SEPTIN6: variants seen among roughly 807,000 people sequenced by gnomAD.
SEPTIN6 encodes the protein septin 6.
In SEPTIN6, 8 loss-of-function variants were observed where a neutral mutation model predicts 33.6. That is an observed-to-expected ratio of 0.24 (90% CI 0.14 to 0.43). SEPTIN6 has a LOEUF of 0.43. SEPTIN6 is among the 20% of genes least tolerant of loss of function. The pLI is 1.00. For synonymous variants in SEPTIN6, 131 were observed against 140.0 expected, an observed-to-expected ratio of 0.94 and a Z score of 0.45; for missense variants, 250 against 340.8, an observed-to-expected ratio of 0.73 and a Z score of 2.10.
chrX:119,683,253 AAAAC>A (rs1156278577), intron 1 of SEPTIN6, among the ~76,000 whole-genome samples: 2 of 112,136 alleles, frequency 1.8e-5, no homozygotes, highest in African/African-American at 3.2e-5. Flanking sequence ...ACTCTGTCTC[AAAAC>A]AAACAAACAA....
At chrX:119,637,273 C>T (rs1022250838) in intron 6 of SEPTIN6, 78 bp from the exon 7 acceptor site, 18 of 947,577 alleles carry the variant, frequency 1.9e-5, no homozygotes, top group Non-Finnish European at 2.7e-5. Flanking sequence ...AAACGAGAGG[C>T]AAAATGTCTA....
At chrX:119,622,191 A>T (rs1364521665) in intron 10 of SEPTIN6, among the ~76,000 whole-genome samples, 3 of 111,957 alleles carry the variant, frequency 2.7e-5, no homozygotes, top group African/African-American at 9.7e-5. Flanking sequence ...GGGAAGGCTG[A>T]CGTATTTTGA....
chrX:119,631,767 T>A (rs2053965990), intron 8 of SEPTIN6, among the ~76,000 whole-genome samples: 1 of 109,106 alleles, frequency 9.2e-6, no homozygotes, highest in African/African-American at 3.3e-5. Context: ...TATTTGTAAT[T>A]ATTTTTTTTT....
Position 119,665,819 on chromosome X carries a change from C to A in SEPTIN6, c.146-2142G>T, listed in dbSNP as rs186919518. ...AGAGAGGGCCAGGCGCGGTGGCTCA[C>A]GCCTGTAATCCCAGCACTTTGGGAG... On this transcript the variant is annotated intron_variant, in intron 2 of 10. Coordinates refer to ENST00000394610, the MANE Select transcript of SEPTIN6 (RefSeq NM_145799.4). 7.2e-5 allele frequency among the ~76,000 whole-genome samples: 8 copies of A among 110,936 alleles called. No homozygotes were observed. In the East Asian group the frequency reaches 2.0e-3, roughly 28 times the overall value.
chrX:119,632,814 G>A (rs945462203), intron 8 of SEPTIN6, among the ~76,000 whole-genome samples: 1 of 111,492 alleles, frequency 9.0e-6, no homozygotes, highest in Non-Finnish European at 1.9e-5. Flanking sequence ...TTTTAGTAGA[G>A]ACAGGGTTTC....
chrX:119,688,171 C>T (rs59009066), intron 1 of SEPTIN6, among the ~76,000 whole-genome samples: 3,157 of 111,592 alleles, frequency 0.028, 86 homozygotes, highest in East Asian at 0.16. Flanking sequence ...AGATCTCACC[C>T]ACCTTCACAC....
chrX:119,685,586 G>A (rs756877236), intron 1 of SEPTIN6, among the ~76,000 whole-genome samples: 1 of 111,807 alleles, frequency 8.9e-6, no homozygotes, highest in African/African-American at 3.3e-5. Flanking sequence ...CTTGGCTCAC[G>A]TCACAGACTG....
At chrX:119,647,637 G>A (rs1455147133) in intron 5 of SEPTIN6, among the ~76,000 whole-genome samples, 1 of 108,098 alleles carries the variant, frequency 9.3e-6, no homozygotes, top group Non-Finnish European at 1.9e-5. Flanking sequence ...GACTACAGGT[G>A]TGCGCCACAG....
intron 8 of SEPTIN6, among the ~76,000 whole-genome samples, chrX:119,631,997 G>C (rs1346476760): frequency 9.1e-6 from 1 of 109,888 alleles, no homozygotes; most frequent in African/African-American, 3.3e-5. Flanking sequence ...TCCTGAACTC[G>C]TGATCCACCC....
Position 119,617,516 on chromosome X carries a change from G to A in SEPTIN6, c.*2577C>T, listed in dbSNP as rs781521919. ...GGTCATTGGGTTAAGGAGCTGGCCC[G>A]GCATGCCTTCGTTTTGCCAGCCCTC... On this transcript the variant is annotated 3_prime_UTR_variant, in exon 11 of 11. Transcript: ENST00000394610. The A allele has an allele frequency of 7.1e-5, 57 of 802,820 alleles. No individual in the cohort carries two copies. The African/African-American group carries it at 1.0e-3, about 14-fold the overall frequency. The allele number at this position is 802,820 out of a possible 1,213,427, so 66.2% of individuals were successfully genotyped here. A position where few individuals can be genotyped will look rare whatever the true frequency, so the allele number is the denominator to read the frequency against.
At chrX:119,647,842 G>A (rs763632601) in intron 5 of SEPTIN6, among the ~76,000 whole-genome samples, 1 of 107,912 alleles carries the variant, frequency 9.3e-6, no homozygotes, top group Admixed American at 9.9e-5. Context: ...TACTAGAGAC[G>A]GGGTTTCTCC....
At position 119,617,687 on chromosome X, in the gene SEPTIN6, T is replaced by C. The variant is rs2053687480; in HGVS notation, c.*2406A>G. On this transcript the variant is annotated 3_prime_UTR_variant, in exon 11 of 11. Transcript: ENST00000394610. ...AGATTGAATCCCTTTGTGAAACTGA[T>C]TGGGAGTCAGGAGGCATGAAAATTA... The C allele has an allele frequency of 2.2e-5, 18 of 801,685 alleles. No individual in the cohort carries two copies. The East Asian group carries it at 6.2e-4, about 28-fold the overall frequency. The allele number at this position is 801,685 out of a possible 1,213,427, so 66.1% of individuals were successfully genotyped here.
intron 7 of SEPTIN6, chrX:119,635,173 G>T (rs747082355): frequency 8.8e-6 from 3 of 339,700 alleles, no homozygotes; most frequent in South Asian, 7.8e-5. Context: ...GTGGATGGTG[G>T]TATCATGAAT....
chrX:119,623,548 T>C (rs1340947875), intron 10 of SEPTIN6, among the ~76,000 whole-genome samples: 5 of 112,119 alleles, frequency 4.5e-5, no homozygotes, highest in Non-Finnish European at 9.4e-5. Flanking sequence ...AAAATAATAA[T>C]AACCCTTCAT....
intron 6 of SEPTIN6, among the ~76,000 whole-genome samples, chrX:119,638,632 C>A (rs894293693): frequency 1.5e-4 from 17 of 111,746 alleles, no homozygotes; most frequent in Admixed American, 7.6e-4. Context: ...AATCAGCTCA[C>A]ATAATCCCTC....
In SEPTIN6 at chrX:119,675,780, G is replaced by A. The variant is rs1011382702; in HGVS notation, c.31-112C>T. On this transcript the variant is annotated intron_variant, in intron 1 of 10. Coordinates refer to ENST00000394610, the MANE Select transcript of SEPTIN6 (RefSeq NM_145799.4). ...AGGAAGTCACACCCGCCCAGGCCCAGTGTGTCATCTCTTCCCTCAGCTACT... is the reference window on the plus strand; with the variant it reads ...AGGAAGTCACACCCGCCCAGGCCCAATGTGTCATCTCTTCCCTCAGCTACT... The A allele has an allele frequency of 8.3e-6, 3 of 362,961 alleles. No homozygotes were observed. The South Asian group carries it at 2.9e-4, about 35-fold the overall frequency. The allele number at this position is 362,961 out of a possible 1,213,427, so 29.9% of individuals were successfully genotyped here.
intron 1 of SEPTIN6, among the ~76,000 whole-genome samples, chrX:119,680,720 C>A (rs1387973731): frequency 3.6e-5 from 4 of 109,830 alleles, no homozygotes; most frequent in Non-Finnish European, 5.7e-5. Context: ...CGATGGCTCA[C>A]GCCTGTAATC....
At chrX:119,634,746 T>C (rs1400472959) in intron 7 of SEPTIN6, among the ~76,000 whole-genome samples, 3 of 111,139 alleles carry the variant, frequency 2.7e-5, no homozygotes, top group African/African-American at 6.5e-5. Flanking sequence ...TGGTGGCTCA[T>C]GCCTGTAATC....
intron 10 of SEPTIN6, 80 bp from the exon 11 acceptor site, chrX:119,620,131 A>G (rs2053725077): frequency 1.2e-6 from 1 of 816,038 alleles, no homozygotes; most frequent in South Asian, 2.3e-5. Flanking sequence ...AAGAAAATTA[A>G]GTAATGAGGA....
Sources: allele counts gnomAD v4.1 joint callset (sites outside exome capture counted in the v4.1 genomes callset), GRCh38; gene constraint gnomAD v4.1.1; transcripts MANE v1.5; gene names NCBI Gene and HGNC (gene_info 2026-07-23, HGNC 2026-07-21).